Variants in NEGR1 observed in about 807,000 individuals in gnomAD.
NEGR1 encodes neuronal growth regulator 1.
A neutral mutation model predicts 40.9 loss-of-function variants in NEGR1; 10 were observed. The observed-to-expected ratio is 0.24, with a 90% confidence interval of 0.15 to 0.42. NEGR1 has a LOEUF of 0.42. NEGR1 is among the 10% of genes least tolerant of loss of function. NEGR1 has a pLI of 1.00. For missense variants in NEGR1, 352 were observed against 438.9 expected (o/e 0.80, Z 1.77); for synonymous variants, 185 against 166.8 (o/e 1.11, Z -0.84).
rs561832783 is a variant in NEGR1 at position 71,714,657 on chromosome 1, C to A, written c.536-16518G>T. Among the ~76,000 whole-genome samples, 6 of 152,278 alleles carry A rather than the reference C, an allele frequency of 3.9e-5. No individual in the cohort carries two copies. In the South Asian group the frequency reaches 1.2e-3, roughly 32 times the overall value. On this transcript the variant is annotated intron_variant, in intron 3 of 6. Coordinates refer to ENST00000357731, the MANE Select transcript of NEGR1 (RefSeq NM_173808.3). ...CAAGTCTGAAATCCAATAGGGCAGTCATTAAACCTTAAAGTTCCAAAATGA... is the reference window on the plus strand; with the variant it reads ...CAAGTCTGAAATCCAATAGGGCAGTAATTAAACCTTAAAGTTCCAAAATGA...
intron 1 of NEGR1, among the ~76,000 whole-genome samples, chr1:72,184,018 G>T (rs1005311650): frequency 6.6e-6 from 1 of 152,030 alleles, no homozygotes; most frequent in Non-Finnish European, 1.5e-5. Context: ...ACTTATTGTA[G>T]AACTGTAATT....
chr1:71,918,279 T>C (rs1337842275), intron 2 of NEGR1, among the ~76,000 whole-genome samples: 1 of 115,392 alleles, frequency 8.7e-6, no homozygotes, highest in East Asian at 2.8e-4. Flanking sequence ...CACATCATAC[T>C]GTCAAAAACA....
intron 6 of NEGR1, among the ~76,000 whole-genome samples, chr1:71,438,523 G>A (rs535303562): frequency 6.6e-6 from 1 of 152,284 alleles, no homozygotes; most frequent in East Asian, 1.9e-4. Flanking sequence ...GGGCAATAAA[G>A]AGAGGTTTTA....
chr1:72,139,337 G>A (rs2100331640), intron 1 of NEGR1, among the ~76,000 whole-genome samples: 1 of 149,436 alleles, frequency 6.7e-6, no homozygotes, highest in Non-Finnish European at 1.5e-5. Context: ...ATAGATAATA[G>A]AAAAAACAAC....
chr1:71,675,126 T>TATATATATATATATATATATATATAC (rs145354058), intron 4 of NEGR1, among the ~76,000 whole-genome samples: 147 of 77,798 alleles, frequency 1.9e-3, no homozygotes, highest in African/African-American at 5.2e-3. Flanking sequence ...TATATATATA[T>TATATATATATATATATATATATATAC]ACACACACAC....
At chr1:72,064,691 T>A (rs118043299) in intron 1 of NEGR1, among the ~76,000 whole-genome samples, 1 of 152,074 alleles carries the variant, frequency 6.6e-6, no homozygotes, top group Non-Finnish European at 1.5e-5. Context: ...CCATTAATCA[T>A]CTAGAATGAG....
Position 72,115,502 on chromosome 1 carries a change from C to G in NEGR1, c.176+166817G>C, listed in dbSNP as rs146486181. 4.4e-4 allele frequency among the ~76,000 whole-genome samples: 67 copies of G among 151,770 alleles called. No individual in the cohort carries two copies. In the East Asian group the frequency reaches 0.012, roughly 27 times the overall value. The stretch of plus-strand genomic sequence containing the variant: ...TGTTAAGGCCATTGGAACACTAGTG[C>G]CAGTGATTCAGAAGACATTACTTAT... On this transcript the variant is annotated intron_variant, in intron 1 of 6. Coordinates refer to ENST00000357731, the MANE Select transcript of NEGR1 (RefSeq NM_173808.3).
intron 2 of NEGR1, among the ~76,000 whole-genome samples, chr1:71,899,840 C>T (rs1182183356): frequency 6.6e-6 from 1 of 152,100 alleles, no homozygotes. Flanking sequence ...CCATTGTTTT[C>T]TTCACCAAGT....
chr1:71,956,343 A>T (rs1204746667), intron 1 of NEGR1, among the ~76,000 whole-genome samples: 2 of 152,180 alleles, frequency 1.3e-5, no homozygotes, highest in Non-Finnish European at 2.9e-5. Flanking sequence ...AATTAGAAAT[A>T]TATTCAACTT....
At chr1:71,647,931 C>T (rs1257165857) in intron 4 of NEGR1, among the ~76,000 whole-genome samples, 2 of 151,916 alleles carry the variant, frequency 1.3e-5, no homozygotes, top group Non-Finnish European at 2.9e-5. Flanking sequence ...TGTCATAGCT[C>T]ATTCAAATAT....
At chr1:71,408,996 C>A (rs1052715130) in intron 6 of NEGR1, 15 of 151,994 alleles carry the variant, frequency 9.9e-5, no homozygotes, top group Non-Finnish European at 1.8e-4. Context: ...CTTGACAATG[C>A]AATTATTGAT....
At chr1:72,265,444 T>C (rs529816477) in intron 1 of NEGR1, among the ~76,000 whole-genome samples, 2 of 151,124 alleles carry the variant, frequency 1.3e-5, no homozygotes, top group South Asian at 4.1e-4. Context: ...TTTAATTAAA[T>C]AACTAAGAAT....
intron 4 of NEGR1, among the ~76,000 whole-genome samples, chr1:71,688,348 A>AT (rs1653118677): frequency 1.6e-5 from 2 of 128,242 alleles, no homozygotes; most frequent in African/African-American, 2.9e-5. Flanking sequence ...ATAGATAGAT[A>AT]GATAGATTAT....
chr1:71,826,091 T>C (rs1362305233), intron 2 of NEGR1, among the ~76,000 whole-genome samples: 1 of 151,902 alleles, frequency 6.6e-6, no homozygotes, highest in Non-Finnish European at 1.5e-5. Context: ...TCCTGGATGC[T>C]CTCTGGTTTC....
chr1:71,417,379 A>C (rs963340099), intron 6 of NEGR1, among the ~76,000 whole-genome samples: 13 of 152,310 alleles, frequency 8.5e-5, no homozygotes, highest in Non-Finnish European at 1.3e-4. Context: ...AAGAAAAAAG[A>C]GATAGGAAAG....
At chr1:71,844,380 G>A (rs1279638948) in intron 2 of NEGR1, among the ~76,000 whole-genome samples, 1 of 152,156 alleles carries the variant, frequency 6.6e-6, no homozygotes, top group Non-Finnish European at 1.5e-5. Context: ...CCCTAACAGA[G>A]AGGGTCATAA....
intron 6 of NEGR1, among the ~76,000 whole-genome samples, chr1:71,466,809 G>A (rs1362393109): frequency 6.6e-6 from 1 of 152,068 alleles, no homozygotes; most frequent in Non-Finnish European, 1.5e-5. Flanking sequence ...GAAACCCACA[G>A]GGGTCCACGG....
intron 2 of NEGR1, among the ~76,000 whole-genome samples, chr1:71,886,728 A>G (rs1178712853): frequency 6.6e-6 from 1 of 152,170 alleles, no homozygotes; most frequent in Non-Finnish European, 1.5e-5. Context: ...ATATAAAACT[A>G]GTTGAGAACT....
chr1:72,142,524 ATGAT>A (rs1650720642), intron 1 of NEGR1, among the ~76,000 whole-genome samples: 1 of 114,658 alleles, frequency 8.7e-6, no homozygotes, highest in African/African-American at 3.4e-5. Flanking sequence ...ACCTAGATAG[ATGAT>A]AGATAGATAG....
Sources: gnomAD v4.1 joint callset for allele counts (sites outside exome capture counted in the v4.1 genomes callset) on GRCh38, gnomAD v4.1.1 for gene constraint, MANE v1.5 for transcripts, NCBI Gene and HGNC (gene_info 2026-07-23, HGNC 2026-07-21) for gene names.